The following PXDNL variants were observed in gnomAD, a reference collection of about 807,000 sequenced individuals.
PXDNL encodes probable oxidoreductase PXDNL.
PXDNL carries 145 observed loss-of-function variants against 150.8 expected under a neutral mutation model. The ratio of observed to expected loss-of-function variants is 0.96; its 90% CI spans 0.84 to 1.10. PXDNL has a LOEUF of 1.10. Ranked by LOEUF, PXDNL falls within the 50% of genes least tolerant of loss-of-function variation. PXDNL has a pLI of 0.00. For missense variants in PXDNL, 2,087 were observed against 1,873.9 expected (o/e 1.11, Z -2.10); for synonymous variants, 757 against 725.7 (o/e 1.04, Z -0.69).
At position 51,500,924 on chromosome 8, in the gene PXDNL, G is replaced by T. The variant is rs553047373; in HGVS notation, c.381-1154C>A. Reference sequence around the variant, plus strand: ...AGAAAAGAAAAATGTTTAAGAAAAAGAAATACTTTTACTTCATTCCTAGGC... The same window carrying T: ...AGAAAAGAAAAATGTTTAAGAAAAATAAATACTTTTACTTCATTCCTAGGC... On this transcript the variant is annotated intron_variant, in intron 4 of 22. Transcript: ENST00000356297. Among the ~76,000 whole-genome samples, 9 of 152,252 alleles carry T rather than the reference G, an allele frequency of 5.9e-5. No homozygotes were observed. In the South Asian group the frequency reaches 1.9e-3, roughly 32 times the overall value.
chr8:51,655,114 G>A (rs767286770), intron 1 of PXDNL, among the ~76,000 whole-genome samples: 6 of 152,172 alleles, frequency 3.9e-5, no homozygotes, highest in Non-Finnish European at 7.3e-5. Flanking sequence ...AGTACATTTA[G>A]TTTGGAAAAT....
chr8:51,573,902 A>G (rs1369783725), intron 3 of PXDNL, among the ~76,000 whole-genome samples: 1 of 152,062 alleles, frequency 6.6e-6, no homozygotes, highest in Non-Finnish European at 1.5e-5. Context: ...TAGTATTTCG[A>G]AGAAAATGAG....
chr8:51,380,108 C>T (rs1563383135), intron 17 of PXDNL, among the ~76,000 whole-genome samples: 3 of 147,228 alleles, frequency 2.0e-5, no homozygotes, highest in Admixed American at 7.1e-5. Context: ...TACACTAACA[C>T]TAAGAATAGC....
chr8:51,465,763 C>T (rs1178010402), intron 8 of PXDNL, among the ~76,000 whole-genome samples: 1 of 152,092 alleles, frequency 6.6e-6, no homozygotes, highest in Non-Finnish European at 1.5e-5. Flanking sequence ...AATGTTCAAG[C>T]TGAGAGCCAC....
chr8:51,495,130 T>C (rs2130256451), intron 5 of PXDNL, among the ~76,000 whole-genome samples: 1 of 151,946 alleles, frequency 6.6e-6, no homozygotes, highest in African/African-American at 2.4e-5. Flanking sequence ...AGAAACTCAC[T>C]CAAAACCACT....
intron 17 of PXDNL, among the ~76,000 whole-genome samples, chr8:51,383,454 C>T (rs998964893): frequency 6.6e-6 from 1 of 152,174 alleles, no homozygotes; most frequent in African/African-American, 2.4e-5. Flanking sequence ...ACAATACACA[C>T]CAAGCCCCTT....
At chr8:51,503,483 AGAT>A (rs1811227770) in intron 4 of PXDNL, among the ~76,000 whole-genome samples, 1 of 152,216 alleles carries the variant, frequency 6.6e-6, no homozygotes, top group Non-Finnish European at 1.5e-5. Context: ...TGGCTTTAGC[AGAT>A]TCAAATAAGG....
At chr8:51,782,016 C>A (rs567712911) in intron 1 of PXDNL, among the ~76,000 whole-genome samples, 1 of 152,308 alleles carries the variant, frequency 6.6e-6, no homozygotes, top group South Asian at 2.1e-4. Flanking sequence ...ACACAGTTAA[C>A]CACAGTGTAG....
intron 1 of PXDNL, among the ~76,000 whole-genome samples, chr8:51,670,605 T>C (rs1815479086): frequency 6.6e-6 from 1 of 151,786 alleles, no homozygotes; most frequent in African/African-American, 2.4e-5. Flanking sequence ...CATATGTGGC[T>C]CATCATTAAC....
At chr8:51,581,383 A>G (rs367999448) in intron 3 of PXDNL, among the ~76,000 whole-genome samples, 2 of 151,926 alleles carry the variant, frequency 1.3e-5, no homozygotes, top group African/African-American at 4.8e-5. Flanking sequence ...CAGCTACTCA[A>G]GAGGTTAAGG....
chr8:51,508,737 C>G (rs1811345662), intron 4 of PXDNL, among the ~76,000 whole-genome samples: 1 of 152,182 alleles, frequency 6.6e-6, no homozygotes, highest in Non-Finnish European at 1.5e-5. Flanking sequence ...CATTGGAGAC[C>G]CATGCCCTAC....
intron 2 of PXDNL, among the ~76,000 whole-genome samples, chr8:51,649,008 T>C (rs1814979511): frequency 6.6e-6 from 1 of 152,224 alleles, no homozygotes; most frequent in East Asian, 1.9e-4. Flanking sequence ...CTTTTTCTTC[T>C]ACTAACAGGA....
At chr8:51,714,909 C>A (rs776392762) in intron 1 of PXDNL, among the ~76,000 whole-genome samples, 16 of 152,046 alleles carry the variant, frequency 1.1e-4, no homozygotes, top group Non-Finnish European at 2.1e-4. Flanking sequence ...TTCCTTCTAC[C>A]AAAGAATAAA....
intron 12 of PXDNL, among the ~76,000 whole-genome samples, chr8:51,441,396 G>A (rs1809545472): frequency 6.6e-6 from 1 of 152,186 alleles, no homozygotes. Context: ...CAAATTGAAA[G>A]TGTCACACAG....
intron 6 of PXDNL, among the ~76,000 whole-genome samples, chr8:51,482,836 A>G (rs116793960): frequency 0.013 from 1,960 of 152,258 alleles, 39 homozygotes; most frequent in African/African-American, 0.045. Context: ...TTTTCTTTAT[A>G]AGCTACCCAG....
intron 5 of PXDNL, among the ~76,000 whole-genome samples, chr8:51,489,342 G>T (rs578026134): frequency 6.6e-6 from 1 of 152,206 alleles, no homozygotes; most frequent in South Asian, 2.1e-4. Flanking sequence ...TTAGAGACAG[G>T]TTCTCACCCT....
At chr8:51,776,051 C>A (rs1007463437) in intron 1 of PXDNL, among the ~76,000 whole-genome samples, 6 of 152,154 alleles carry the variant, frequency 3.9e-5, no homozygotes, top group Non-Finnish European at 8.8e-5. Flanking sequence ...ACGAAATAAG[C>A]CCCGGTCTCC....
At chr8:51,759,988 C>A (rs1373817761) in intron 1 of PXDNL, among the ~76,000 whole-genome samples, 1 of 152,224 alleles carries the variant, frequency 6.6e-6, no homozygotes, top group Non-Finnish European at 1.5e-5. Context: ...ACTTCTCTAT[C>A]AGTTCTGAGG....
At chr8:51,742,896 A>C (rs1334530102) in intron 1 of PXDNL, among the ~76,000 whole-genome samples, 2 of 152,172 alleles carry the variant, frequency 1.3e-5, no homozygotes, top group Non-Finnish European at 2.9e-5. Flanking sequence ...AGCATGCTGA[A>C]AGAGCACAGG....
Sources: allele counts gnomAD v4.1 joint callset (sites outside exome capture counted in the v4.1 genomes callset), GRCh38; gene constraint gnomAD v4.1.1; transcripts MANE v1.5; gene names NCBI Gene and HGNC (gene_info 2026-07-23, HGNC 2026-07-21).